NIPSNAP2: variants seen among roughly 807,000 people sequenced by gnomAD.
NIPSNAP2 encodes the protein protein NipSnap homolog 2.
Under a neutral mutation model 48.4 loss-of-function variants are expected in NIPSNAP2, and 42 were observed. The ratio of observed to expected loss-of-function variants is 0.87; its 90% CI spans 0.68 to 1.12. The LOEUF (loss-of-function observed/expected upper bound fraction) is 1.12. Ranked by LOEUF, NIPSNAP2 falls within the 50% of genes most tolerant of loss-of-function variation. The pLI is 0.00. For missense variants in NIPSNAP2, 314 were observed against 347.3 expected, an observed-to-expected ratio of 0.90 and a Z score of 0.76; for synonymous variants, 158 against 126.6, an observed-to-expected ratio of 1.25 and a Z score of -1.67.
At chr7:55,972,741 A>G (rs1467265348) in intron 1 of NIPSNAP2, among the ~76,000 whole-genome samples, 1 of 152,056 alleles carries the variant, frequency 6.6e-6, no homozygotes, top group Non-Finnish European at 1.5e-5. Context: ...TGATATTATT[A>G]AACAGATATC....
intron 8 of NIPSNAP2, among the ~76,000 whole-genome samples, chr7:55,995,621 G>A (rs1396811413): frequency 3.9e-5 from 6 of 152,174 alleles, no homozygotes; most frequent in African/African-American, 1.4e-4. Flanking sequence ...AAGCACAGGT[G>A]CTAGAAGGGC....
intron 1 of NIPSNAP2, 57 bp downstream of exon 1, chr7:55,964,758 G>C (rs1467476937): frequency 4.3e-6 from 4 of 930,040 alleles, no homozygotes; most frequent in Non-Finnish European, 5.4e-6. Flanking sequence ...CGAGGCGGAG[G>C]GCGCGGGTTT....
At chr7:55,965,554 T>TTTA (rs569764218) in intron 1 of NIPSNAP2, among the ~76,000 whole-genome samples, 62 of 151,906 alleles carry the variant, frequency 4.1e-4, no homozygotes, top group South Asian at 3.5e-3. Context: ...AGTAACATGG[T>TTTA]TTATTATTAT....
chr7:55,970,575 G>A (rs796592078), intron 1 of NIPSNAP2, among the ~76,000 whole-genome samples: 5 of 152,198 alleles, frequency 3.3e-5, no homozygotes, highest in African/African-American at 1.2e-4. Context: ...GCCTCTCAAA[G>A]TGCTGGGATT....
rs1554344167 is a variant in NIPSNAP2 at position 55,991,765 on chromosome 7, AAT to A, written c.618-3113_618-3112del. On this transcript the variant is annotated intron_variant, in intron 7 of 9. Transcript: ENST00000322090. ...CTCTGTCTCAAAAAAAAAAAAAAAA[AAT>A]ATATATATATATATAATTTATAAAG... 298 of 149,972 alleles carry A rather than the reference AAT, an allele frequency of 2.0e-3. 2 individuals carry two copies. The highest frequency in any genetic ancestry group is 0.013 in the South Asian group (81 of 6,174). The allele number at this position is 149,972 out of a possible 1,614,324, so 9.3% of individuals were successfully genotyped here.
chr7:55,979,073 A>C (rs1459702012), intron 3 of NIPSNAP2: 7 of 152,328 alleles, frequency 4.6e-5, no homozygotes, highest in Non-Finnish European at 1.0e-4. Flanking sequence ...TTTAATATCT[A>C]CTACGTTCTT....
At position 55,978,001 on chromosome 7, in the gene NIPSNAP2, A is replaced by G. The variant is rs1285364476; in HGVS notation, c.93-125A>G. On this transcript the variant is annotated intron_variant, in intron 1 of 9. Coordinates refer to ENST00000322090, the MANE Select transcript of NIPSNAP2 (RefSeq NM_001483.3). ...AGTGCATGCTGTTGTCATGGAAAGCAGGCATTCTTTGGTAGCCCAGGTTCT... is the reference window on the plus strand; with the variant it reads ...AGTGCATGCTGTTGTCATGGAAAGCGGGCATTCTTTGGTAGCCCAGGTTCT... 2.0e-5 allele frequency: 20 copies of G among 1,020,064 alleles called. No individual in the cohort carries two copies. The East Asian group carries it at 4.3e-4, about 22-fold the overall frequency. The allele number at this position is 1,020,064 out of a possible 1,614,324, so 63.2% of individuals were successfully genotyped here. A position where few individuals can be genotyped will look rare whatever the true frequency, so the allele number is the denominator to read the frequency against.
chr7:55,981,545 G>C lies in NIPSNAP2; in HGVS notation c.351G>C (p.Trp117Cys). 4 of 1,613,914 alleles carry C rather than the reference G, an allele frequency of 2.5e-6. No individual in the cohort carries two copies. Among genetic ancestry groups the C allele is most frequent in the Non-Finnish European group, 3.4e-6 (4 of 1,179,866 alleles). The change falls in exon 4 of 10, where the codon TGG (tryptophan) becomes TGC (cysteine). Residue 117 changes from tryptophan (W) to cysteine (C), a missense_variant. This residue lies in a region of NIPSNAP2 where 198 missense variants were observed against 185.5 expected (regional missense o/e 1.07). Transcript: ENST00000322090. ...PCTLVGTWNT[W>C]YGEQDQAVHL... ...CTTTGGTGGGGACTTGGAACACGTG[G>C]TATGGCGAGCAGGACCAAGCTGGTA...
intron 6 of NIPSNAP2, 111 bp downstream of exon 6, chr7:55,983,979 T>TGATATGTATA: frequency 1.7e-6 from 1 of 579,504 alleles, no homozygotes; most frequent in Non-Finnish European, 2.9e-6. Flanking sequence ...ATGTCTAGCA[T>TGATATGTATA]TATATGTATA....
At chr7:55,989,131 C>T (rs192707958) in intron 7 of NIPSNAP2, among the ~76,000 whole-genome samples, 29 of 152,240 alleles carry the variant, frequency 1.9e-4, no homozygotes, top group African/African-American at 6.7e-4. Flanking sequence ...GTGGGATTAG[C>T]CAGAGGGCCA....
At chr7:55,969,122 T>A (rs1786960803) in intron 1 of NIPSNAP2, among the ~76,000 whole-genome samples, 1 of 152,158 alleles carries the variant, frequency 6.6e-6, no homozygotes, top group Non-Finnish European at 1.5e-5. Flanking sequence ...TGTTCATTTT[T>A]AAAATCTAGA....
At chr7:55,995,255 G>A (rs1211744183) in intron 8 of NIPSNAP2, among the ~76,000 whole-genome samples, 1 of 152,144 alleles carries the variant, frequency 6.6e-6, no homozygotes. Flanking sequence ...AAGGAGGCCA[G>A]GGAAGTCAAG....
intron 7 of NIPSNAP2, 26 bp from the exon 8 acceptor site, chr7:55,994,868 A>C: frequency 1.2e-6 from 2 of 1,600,444 alleles, no homozygotes; most frequent in Non-Finnish European, 1.7e-6. Flanking sequence ...TCAGTGTCTT[A>C]AACAAACATC....
At chr7:55,988,458 T>G (rs1787375968) in intron 7 of NIPSNAP2, among the ~76,000 whole-genome samples, 2 of 152,070 alleles carry the variant, frequency 1.3e-5, no homozygotes, top group Non-Finnish European at 2.9e-5. Context: ...TTAAAAGAGA[T>G]AGATAATAAC....
chr7:55,971,566 G>A (rs948420622), intron 1 of NIPSNAP2, among the ~76,000 whole-genome samples: 1 of 152,014 alleles, frequency 6.6e-6, no homozygotes, highest in Admixed American at 6.6e-5. Flanking sequence ...GGGCTCAAGC[G>A]ATCCTCCTGC....
chr7:55,985,295 C>T (rs1420064149), intron 7 of NIPSNAP2, among the ~76,000 whole-genome samples: 1 of 152,052 alleles, frequency 6.6e-6, no homozygotes, highest in Non-Finnish European at 1.5e-5. Context: ...TTTTCTGAAA[C>T]GTTACTTTTG....
In NIPSNAP2 at chr7:55,999,236, G is replaced by C. The variant is rs947244929; in HGVS notation, c.*164G>C. 1.6e-6 allele frequency: 1 copy of C among 634,388 alleles called. No individual in the cohort carries two copies. Among genetic ancestry groups the C allele is most frequent in the Admixed American group, 3.0e-5 (1 of 33,630 alleles). 39.3% of individuals were successfully genotyped at this position (634,388 alleles called of 1,614,324 possible). A position where few individuals can be genotyped will look rare whatever the true frequency, so the allele number is the denominator to read the frequency against. ...TTAAAATTTACATAATCACAAGAAA[G>C]GAAAGAATTACAGTTGGACTGATTG... On this transcript the variant is annotated 3_prime_UTR_variant, in exon 10 of 10. Transcript: ENST00000322090.
At chr7:55,983,655 A>G (rs980866138) in intron 5 of NIPSNAP2, 73 bp from the exon 6 acceptor site, 28 of 1,483,818 alleles carry the variant, frequency 1.9e-5, no homozygotes, top group Non-Finnish European at 2.3e-5. Context: ...TTCTGTAGGA[A>G]CATCAATGTT....
intron 1 of NIPSNAP2, among the ~76,000 whole-genome samples, chr7:55,966,975 T>C (rs375367222): frequency 3.6e-4 from 55 of 152,270 alleles, no homozygotes; most frequent in African/African-American, 1.3e-3. Context: ...GCTGCCAAAG[T>C]GTTAGGTAAA....
Sources: allele counts gnomAD v4.1 joint callset (sites outside exome capture counted in the v4.1 genomes callset), GRCh38; gene constraint gnomAD v4.1.1; regional missense constraint gnomAD v4.1.1; transcripts MANE v1.5; gene names NCBI Gene and HGNC (gene_info 2026-07-23, HGNC 2026-07-21).